GABRG3: variants seen among roughly 807,000 people sequenced by gnomAD.
The protein encoded by GABRG3 is gamma-aminobutyric acid type A receptor subunit gamma3, also known as gamma-aminobutyric acid receptor subunit gamma-3.
Under a neutral mutation model 48.8 loss-of-function variants are expected in GABRG3, and 25 were observed. The ratio of observed to expected loss-of-function variants is 0.51; its 90% CI spans 0.37 to 0.72. The LOEUF (loss-of-function observed/expected upper bound fraction) is 0.72, where lower values mean the gene tolerates loss of function less well. Among genes scored for constraint, GABRG3 ranks in the 30% least tolerant of loss-of-function variants. The pLI, the probability that GABRG3 is intolerant of heterozygous loss-of-function variation, is 0.00. For synonymous variants in GABRG3, 227 were observed against 217.6 expected, an observed-to-expected ratio of 1.04 and a Z score of -0.38; for missense variants, 394 against 577.9, an observed-to-expected ratio of 0.68 and a Z score of 3.26.
chr15:27,446,809 A>G (rs1221421100), intron 5 of GABRG3, among the ~76,000 whole-genome samples: 2 of 152,184 alleles, frequency 1.3e-5, no homozygotes, highest in African/African-American at 4.8e-5. Context: ...CAGGGGAGTC[A>G]GTGGCCCTCC....
intron 3 of GABRG3, among the ~76,000 whole-genome samples, chr15:27,127,978 A>G (rs1897850595): frequency 6.6e-6 from 1 of 152,178 alleles, no homozygotes; most frequent in African/African-American, 2.4e-5. Context: ...AGAGATTACA[A>G]AGTGAGAAGC....
intron 3 of GABRG3, among the ~76,000 whole-genome samples, chr15:27,220,089 G>C (rs1889402584): frequency 1.3e-5 from 2 of 152,154 alleles, no homozygotes; most frequent in African/African-American, 4.8e-5. Context: ...AGGATGGGCA[G>C]CTCACACCTA....
chr15:27,159,965 C>G (rs1233322251), intron 3 of GABRG3, among the ~76,000 whole-genome samples: 2 of 152,144 alleles, frequency 1.3e-5, no homozygotes, highest in Non-Finnish European at 2.9e-5. Flanking sequence ...CTTTAGCCAA[C>G]CTCCATGGCC....
intron 3 of GABRG3, among the ~76,000 whole-genome samples, chr15:27,176,477 T>C (rs996399520): frequency 6.6e-6 from 1 of 152,190 alleles, no homozygotes; most frequent in Admixed American, 6.5e-5. Context: ...GAGACACAAG[T>C]GTTAATGAAT....
intron 3 of GABRG3, among the ~76,000 whole-genome samples, chr15:27,151,401 GGTT>G (rs1183664349): frequency 3.3e-5 from 5 of 151,686 alleles, no homozygotes; most frequent in Non-Finnish European, 5.9e-5. Context: ...GATTGATCCA[GGTT>G]ATTGTGAATA....
At chr15:27,142,888 G>A (rs1030002267) in intron 3 of GABRG3, among the ~76,000 whole-genome samples, 2 of 151,840 alleles carry the variant, frequency 1.3e-5, no homozygotes, top group Non-Finnish European at 2.9e-5. Flanking sequence ...AGTAGCTGGG[G>A]GGACTACAGG....
intron 3 of GABRG3, among the ~76,000 whole-genome samples, chr15:27,115,206 C>G (rs911810346): frequency 2.0e-5 from 3 of 152,062 alleles, no homozygotes; most frequent in African/African-American, 4.8e-5. Flanking sequence ...CCCAAACAAC[C>G]ATGCTTACAA....
chr15:27,139,725 A>G (rs1166506780), intron 3 of GABRG3, among the ~76,000 whole-genome samples: 1 of 152,118 alleles, frequency 6.6e-6, no homozygotes, highest in Non-Finnish European at 1.5e-5. Context: ...AATCCTTAGA[A>G]TCTCCCAAGA....
At chr15:27,363,733 T>A (rs1895099354) in intron 5 of GABRG3, 1 of 152,232 alleles carries the variant, frequency 6.6e-6, no homozygotes, top group South Asian at 2.1e-4. Context: ...TGCACTTACC[T>A]AACCATACAC....
At chr15:27,205,466 G>A (rs1262928352) in intron 3 of GABRG3, among the ~76,000 whole-genome samples, 2 of 151,958 alleles carry the variant, frequency 1.3e-5, no homozygotes, top group East Asian at 1.9e-4. Context: ...CTAGTATTTT[G>A]TTGAAGATTT....
chr15:27,108,947 C>T (rs1022807669), intron 3 of GABRG3, among the ~76,000 whole-genome samples: 1 of 151,994 alleles, frequency 6.6e-6, no homozygotes, highest in Non-Finnish European at 1.5e-5. Flanking sequence ...GGAAAATGCT[C>T]ATAATAAAAT....
chr15:27,135,066 G>T (rs915228696), intron 3 of GABRG3, among the ~76,000 whole-genome samples: 7 of 152,190 alleles, frequency 4.6e-5, no homozygotes, highest in African/African-American at 1.7e-4. Context: ...AGGGACATCA[G>T]TAGTCTCTTC....
intron 3 of GABRG3, among the ~76,000 whole-genome samples, chr15:27,106,399 A>C (rs1467987682): frequency 2.6e-5 from 4 of 152,024 alleles, no homozygotes; most frequent in Admixed American, 6.6e-5. Context: ...AAGTATATAC[A>C]ATAAAATTAT....
In GABRG3 at chr15:27,123,438, C is replaced by T. The variant is rs1170119607; in HGVS notation, c.270+96617C>T. On this transcript the variant is annotated intron_variant, in intron 3 of 9. Transcript: ENST00000615808. ...CCTGTGGGAACTCACTCACTCCTTC[C>T]AGCATGAGAGGACACAGCAGGCACT... is the stretch of plus-strand genomic sequence containing the variant. 2.0e-5 allele frequency among the ~76,000 whole-genome samples: 3 copies of T among 152,306 alleles called. No homozygotes were observed. The East Asian group carries it at 5.8e-4, about 29-fold the overall frequency.
At chr15:27,462,098 C>G (rs888980543) in intron 5 of GABRG3, among the ~76,000 whole-genome samples, 1 of 152,118 alleles carries the variant, frequency 6.6e-6, no homozygotes, top group Non-Finnish European at 1.5e-5. Context: ...ACACCCAGCC[C>G]CTTGCTCACC....
At chr15:27,454,897 AT>A (rs1889218220) in intron 5 of GABRG3, among the ~76,000 whole-genome samples, 1 of 152,110 alleles carries the variant, frequency 6.6e-6, no homozygotes, top group Non-Finnish European at 1.5e-5. Context: ...TCTGTACCAA[AT>A]CTTGTATGAA....
chr15:27,149,261 A>G (rs1898265790), intron 3 of GABRG3, among the ~76,000 whole-genome samples: 1 of 151,372 alleles, frequency 6.6e-6, no homozygotes, highest in African/African-American at 2.4e-5. Context: ...AAAATGTTAA[A>G]ATATTCAGGA....
intron 5 of GABRG3, among the ~76,000 whole-genome samples, chr15:27,371,057 A>G (rs947738699): frequency 2.0e-5 from 3 of 152,148 alleles, no homozygotes; most frequent in African/African-American, 7.2e-5. Flanking sequence ...TCATTAATCT[A>G]TACAATTACA....
At chr15:27,290,722 G>T (rs2140486219) in intron 3 of GABRG3, among the ~76,000 whole-genome samples, 1 of 152,246 alleles carries the variant, frequency 6.6e-6, no homozygotes, top group South Asian at 2.1e-4. Context: ...AGCCTAAGGG[G>T]GACATGATGG....
Sources: allele counts gnomAD v4.1 joint callset (sites outside exome capture counted in the v4.1 genomes callset), GRCh38; gene constraint gnomAD v4.1.1; transcripts MANE v1.5; gene names NCBI Gene and HGNC (gene_info 2026-07-23, HGNC 2026-07-21).